The following CCDC30 variants were observed in gnomAD, a reference collection of about 807,000 sequenced individuals.
CCDC30 encodes coiled-coil domain containing 30.
Under a neutral mutation model 100.2 loss-of-function variants are expected in CCDC30, and 70 were observed. The ratio of observed to expected loss-of-function variants is 0.70; its 90% confidence interval spans 0.58 to 0.85. CCDC30 has a LOEUF of 0.85. Ranked by LOEUF, CCDC30 falls within the 40% of genes least tolerant of loss-of-function variation. The pLI is 0.00. For synonymous variants in CCDC30, 233 were observed against 269.5 expected, an observed-to-expected ratio of 0.86 and a Z score of 1.33; for missense variants, 652 against 771.2, an observed-to-expected ratio of 0.85 and a Z score of 1.83.
At chr1:42,474,247 C>T (rs545882031) in intron 1 of CCDC30, among the ~76,000 whole-genome samples, 2 of 152,202 alleles carry the variant, frequency 1.3e-5, no homozygotes, top group African/African-American at 4.8e-5. Context: ...GAAAAGTTGC[C>T]TTTAGCATTA....
At chr1:42,649,955 T>A (rs1648191123) in intron 15 of CCDC30, among the ~76,000 whole-genome samples, 1 of 152,124 alleles carries the variant, frequency 6.6e-6, no homozygotes, top group Non-Finnish European at 1.5e-5. Context: ...GAAAATACGA[T>A]AAATGAAAAG....
chr1:42,549,806 G>C (rs973244987), intron 6 of CCDC30, among the ~76,000 whole-genome samples: 1 of 152,168 alleles, frequency 6.6e-6, no homozygotes, highest in African/African-American at 2.4e-5. Context: ...AGCTTATAGA[G>C]CCCAGCTGAT....
intron 7 of CCDC30, among the ~76,000 whole-genome samples, chr1:42,574,991 T>C (rs1448635371): frequency 6.6e-6 from 1 of 152,228 alleles, no homozygotes; most frequent in Non-Finnish European, 1.5e-5. Context: ...ATGAGGTAAG[T>C]AGTTATTATC....
At chr1:42,573,608 C>T (rs961455398) in intron 7 of CCDC30, among the ~76,000 whole-genome samples, 1 of 151,994 alleles carries the variant, frequency 6.6e-6, no homozygotes, top group Non-Finnish European at 1.5e-5. Context: ...TTACTGGCTA[C>T]CACAGTGCTG....
intron 12 of CCDC30, among the ~76,000 whole-genome samples, chr1:42,639,450 A>G (rs1365219977): frequency 6.6e-6 from 1 of 152,244 alleles, no homozygotes; most frequent in Non-Finnish European, 1.5e-5. Context: ...AAACTATGAG[A>G]AAATGTTATG....
At chr1:42,649,676 G>T (rs1648171545) in intron 15 of CCDC30, among the ~76,000 whole-genome samples, 2 of 152,142 alleles carry the variant, frequency 1.3e-5, no homozygotes, top group Admixed American at 6.5e-5. Context: ...TTGTTGACAT[G>T]ATCTTATATA....
chr1:42,575,200 C>A (rs776756680), intron 7 of CCDC30, among the ~76,000 whole-genome samples: 4 of 152,180 alleles, frequency 2.6e-5, no homozygotes, highest in Non-Finnish European at 5.9e-5. Flanking sequence ...AATTCTCTCT[C>A]ACCACTTTTG....
chr1:42,625,740 T>C (rs1460684397), intron 11 of CCDC30, among the ~76,000 whole-genome samples: 1 of 152,192 alleles, frequency 6.6e-6, no homozygotes, highest in African/African-American at 2.4e-5. Flanking sequence ...TATTTCAGTT[T>C]TTTTAATGTT....
chr1:42,485,964 A>G (rs1409163783), intron 3 of CCDC30, among the ~76,000 whole-genome samples: 1 of 152,236 alleles, frequency 6.6e-6, no homozygotes, highest in African/African-American at 2.4e-5. Flanking sequence ...TAGAATGGCC[A>G]TGCTAAAAAA....
Position 42,637,379 on chromosome 1 carries a change from G to T in CCDC30, c.1419+1G>T. ...AATCCTGCAACATAAAATAGAAAAG[G>T]TGAGGAAAAAATAAAAGGTGAAGAG... On this transcript the variant is annotated splice_donor_variant, in intron 12 of 16. Transcript: ENST00000668663. LOFTEE classifies it high-confidence loss of function. 6.2e-7 allele frequency: 1 copy of T among 1,604,956 alleles called. No individual in the cohort carries two copies.
intron 6 of CCDC30, chr1:42,542,972 T>C (rs1645046177): frequency 6.5e-6 from 1 of 153,082 alleles, no homozygotes; most frequent in South Asian, 2.1e-4. Flanking sequence ...CCACAAAGAT[T>C]AGTGATTAAG....
Position 42,612,197 on chromosome 1 carries a change from T to A in CCDC30, c.1277+1107T>A, listed in dbSNP as rs142986007. ...TTTGCTATTTCCATAAAACTTAATA[T>A]TTCATGAAGTTGATATGCCCTTGCA... On this transcript the variant is annotated intron_variant, in intron 11 of 16. Coordinates refer to ENST00000668663, the Ensembl canonical transcript of CCDC30. Among the ~76,000 whole-genome samples the A allele has an allele frequency of 1.3e-3, 198 of 152,360 alleles. 1 individual carries two copies. Among genetic ancestry groups the A allele is most frequent in the African/African-American group, 4.6e-3 (193 of 41,580 alleles).
At chr1:42,637,840 G>A (rs913720415) in intron 12 of CCDC30, among the ~76,000 whole-genome samples, 1 of 152,152 alleles carries the variant, frequency 6.6e-6, no homozygotes, top group African/African-American at 2.4e-5. Flanking sequence ...CTTAGTGGTG[G>A]ATGAATAAAC....
chr1:42,544,255 T>C (rs1041490698), intron 6 of CCDC30, among the ~76,000 whole-genome samples: 1 of 152,202 alleles, frequency 6.6e-6, no homozygotes, highest in Non-Finnish European at 1.5e-5. Context: ...AAATGTTTTT[T>C]CATTTTATAT....
At chr1:42,634,273 AAC>A (rs532144447) in intron 11 of CCDC30, among the ~76,000 whole-genome samples, 13 of 144,216 alleles carry the variant, frequency 9.0e-5, no homozygotes, top group African/African-American at 2.8e-4. Flanking sequence ...AAAAAAAAAA[AAC>A]AAAACATTAC....
intron 10 of CCDC30, among the ~76,000 whole-genome samples, chr1:42,601,300 C>T (rs547978466): frequency 2.2e-4 from 34 of 152,234 alleles, no homozygotes; most frequent in Non-Finnish European, 3.4e-4. Flanking sequence ...AGAAGAAAGA[C>T]GGGAAGCATT....
intron 14 of CCDC30, among the ~76,000 whole-genome samples, chr1:42,645,860 G>A (rs1164361324): frequency 6.6e-6 from 1 of 152,146 alleles, no homozygotes; most frequent in African/African-American, 2.4e-5. Context: ...GATAGTCCCT[G>A]TTTTCAGAGG....
rs1433379983 is a variant in CCDC30, at chr1:42,529,656, A to G, written c.456+30740A>G. ...TGGCAGCCAGGTGATGGTGATAGCA[A>G]CAAGTATTAACTGAAGGATCATTTT... On this transcript the variant is annotated intron_variant, in intron 6 of 16. Coordinates refer to ENST00000668663, the Ensembl canonical transcript of CCDC30. 3 of 152,324 alleles carry G rather than the reference A, an allele frequency of 2.0e-5. No homozygotes were observed. In the East Asian group the frequency reaches 5.8e-4, roughly 29 times the overall value. 9.4% of individuals were successfully genotyped at this position (152,324 alleles called of 1,614,324 possible).
chr1:42,539,120 TG>T (rs1420774549), intron 6 of CCDC30, 52 bp from the exon 8 acceptor site: 3 of 1,332,838 alleles, frequency 2.3e-6, no homozygotes, highest in Non-Finnish European at 3.0e-6. Flanking sequence ...ATATCTTTTA[TG>T]GGGGAAAATA....
Sources: allele counts gnomAD v4.1 joint callset (sites outside exome capture counted in the v4.1 genomes callset), GRCh38; gene constraint gnomAD v4.1.1; transcripts MANE v1.5; gene names NCBI Gene and HGNC (gene_info 2026-07-23, HGNC 2026-07-21).